RAB3C: variants seen among roughly 807,000 people sequenced by gnomAD.
RAB3C encodes RAB3C, member RAS oncogene family, also known as ras-related protein Rab-3C.
In RAB3C, 17 loss-of-function variants were observed where a neutral mutation model predicts 26.4. The observed-to-expected ratio is 0.64, with a 90% confidence interval of 0.44 to 0.97. The LOEUF is 0.97. Among genes scored for constraint, RAB3C ranks in the 50% least tolerant of loss-of-function variants. The pLI, the probability that RAB3C is intolerant of heterozygous loss-of-function variation, is 0.00. For missense variants in RAB3C, 242 were observed against 281.9 expected (o/e 0.86, Z 1.01); for synonymous variants, 91 against 95.9 (o/e 0.95, Z 0.30).
chr5:58,608,482 A>C (rs1189598404), intron 1 of RAB3C, among the ~76,000 whole-genome samples: 2 of 152,234 alleles, frequency 1.3e-5, no homozygotes, highest in Admixed American at 1.3e-4. Context: ...TCAAAACTAC[A>C]ATGAGATACT....
chr5:58,749,464 C>A (rs1316782009), intron 3 of RAB3C, among the ~76,000 whole-genome samples: 2 of 151,964 alleles, frequency 1.3e-5, no homozygotes, highest in Non-Finnish European at 2.9e-5. Context: ...CAAGAGAATG[C>A]AATAAAAATG....
intron 4 of RAB3C, among the ~76,000 whole-genome samples, chr5:58,844,526 G>A (rs1743945794): frequency 6.6e-6 from 1 of 152,190 alleles, no homozygotes; most frequent in Non-Finnish European, 1.5e-5. Context: ...TAGAGGACGA[G>A]CTAATATGCC....
At chr5:58,619,461 AG>A (rs1746889023) in intron 2 of RAB3C, among the ~76,000 whole-genome samples, 1 of 152,190 alleles carries the variant, frequency 6.6e-6, no homozygotes, top group African/African-American at 2.4e-5. Flanking sequence ...GTTTTAAGGA[AG>A]GTTCCTTAAT....
intron 2 of RAB3C, among the ~76,000 whole-genome samples, chr5:58,701,779 G>GT (rs1748847091): frequency 6.6e-6 from 1 of 151,962 alleles, no homozygotes; most frequent in Non-Finnish European, 1.5e-5. Context: ...CTTTTCTTTT[G>GT]TTTTCACCTC....
In RAB3C at chr5:58,637,599, G is replaced by T. The variant is rs1015386218; in HGVS notation, c.252+19729G>T. Among the ~76,000 whole-genome samples, 4 of 152,096 alleles carry T rather than the reference G, an allele frequency of 2.6e-5. No individual in the cohort carries two copies. In the East Asian group the frequency reaches 7.7e-4, roughly 29 times the overall value. On this transcript the variant is annotated intron_variant, in intron 2 of 4. Transcript: ENST00000282878. Reference sequence around the variant, plus strand: ...AAAGATAAAAATTTTTAAAAGGAAAGGTGGAAAGACAGAAAAAGTAGTTGG... The same window carrying T: ...AAAGATAAAAATTTTTAAAAGGAAATGTGGAAAGACAGAAAAAGTAGTTGG...
At chr5:58,767,816 T>G (rs1741941049) in intron 3 of RAB3C, among the ~76,000 whole-genome samples, 2 of 152,302 alleles carry the variant, frequency 1.3e-5, no homozygotes, top group South Asian at 4.1e-4. Flanking sequence ...ACGAGAGACA[T>G]GGAGGCTTAT....
At chr5:58,631,745 CCT>C (rs1747187241) in intron 2 of RAB3C, among the ~76,000 whole-genome samples, 1 of 152,036 alleles carries the variant, frequency 6.6e-6, no homozygotes. Flanking sequence ...TGGGGTTTTT[CCT>C]CTCTTCAAAT....
chr5:58,637,097 A>AGTT (rs1167337557), intron 2 of RAB3C, among the ~76,000 whole-genome samples: 2 of 56,218 alleles, frequency 3.6e-5, no homozygotes, highest in South Asian at 1.0e-3. Context: ...ATTTCAAAGA[A>AGTT]CTTTTTTTTT....
intron 1 of RAB3C, among the ~76,000 whole-genome samples, chr5:58,615,687 T>C (rs1179082420): frequency 6.6e-6 from 1 of 152,184 alleles, no homozygotes; most frequent in Non-Finnish European, 1.5e-5. Flanking sequence ...CTCTGCCCAC[T>C]GGGAAGCGTT....
chr5:58,732,615 C>T (rs1251361619), intron 3 of RAB3C, among the ~76,000 whole-genome samples: 2 of 152,084 alleles, frequency 1.3e-5, no homozygotes, highest in African/African-American at 4.8e-5. Context: ...TCAAATGATC[C>T]AAGAACTGAA....
chr5:58,706,869 G>C (rs1170948896), intron 2 of RAB3C, among the ~76,000 whole-genome samples: 3 of 152,272 alleles, frequency 2.0e-5, no homozygotes, highest in East Asian at 3.9e-4. Flanking sequence ...TTTTACCGTT[G>C]AGACAAAGGG....
intron 2 of RAB3C, among the ~76,000 whole-genome samples, chr5:58,709,800 T>C (rs1219464473): frequency 2.0e-5 from 3 of 152,180 alleles, no homozygotes; most frequent in Non-Finnish European, 4.4e-5. Flanking sequence ...AAGAATTACT[T>C]TAACAGCAAT....
At chr5:58,697,191 A>C (rs563450405) in intron 2 of RAB3C, among the ~76,000 whole-genome samples, 222 of 152,278 alleles carry the variant, frequency 1.5e-3, no homozygotes, top group African/African-American at 5.1e-3. Flanking sequence ...CCCAGTAGTC[A>C]TTCAGGAGCA....
chr5:58,808,593 G>A (rs989323405), intron 3 of RAB3C, among the ~76,000 whole-genome samples: 4 of 152,066 alleles, frequency 2.6e-5, no homozygotes, highest in Non-Finnish European at 5.9e-5. Flanking sequence ...CAATTTCTTT[G>A]ACTTATAACA....
intron 2 of RAB3C, among the ~76,000 whole-genome samples, chr5:58,633,546 A>AT (rs1051764636): frequency 6.6e-6 from 1 of 152,240 alleles, no homozygotes; most frequent in African/African-American, 2.4e-5. Flanking sequence ...AGAGAAAAAA[A>AT]TTGAGATGAG....
chr5:58,660,965 G>A (rs1471451818), intron 2 of RAB3C, among the ~76,000 whole-genome samples: 2 of 148,732 alleles, frequency 1.3e-5, no homozygotes, highest in African/African-American at 2.6e-5. Context: ...ATGCAAATTA[G>A]GTGGGAACTA....
At chr5:58,817,030 T>C (rs1306425340) in intron 3 of RAB3C, 1 of 152,230 alleles carries the variant, frequency 6.6e-6, no homozygotes, top group Non-Finnish European at 1.5e-5. Context: ...CCAAGAGGGC[T>C]GATGGAAGCT....
chr5:58,751,997 T>C (rs1007829016), intron 3 of RAB3C, among the ~76,000 whole-genome samples: 2 of 152,262 alleles, frequency 1.3e-5, no homozygotes, highest in African/African-American at 4.8e-5. Flanking sequence ...TTTTCTGACT[T>C]GGGGAGATAA....
At chr5:58,641,201 G>A (rs1237888157) in intron 2 of RAB3C, among the ~76,000 whole-genome samples, 1 of 152,154 alleles carries the variant, frequency 6.6e-6, no homozygotes, top group African/African-American at 2.4e-5. Flanking sequence ...GCTATGTGCT[G>A]GTGCAGGCTG....
Sources: allele counts gnomAD v4.1 joint callset (sites outside exome capture counted in the v4.1 genomes callset), GRCh38; gene constraint gnomAD v4.1.1; transcripts MANE v1.5; gene names NCBI Gene and HGNC (gene_info 2026-07-23, HGNC 2026-07-21).